CDH9: variants seen among roughly 807,000 people sequenced by gnomAD.
CDH9 encodes the protein cadherin-9.
CDH9 carries 28 observed loss-of-function variants against 70.9 expected under a neutral mutation model. That is an observed-to-expected ratio of 0.40 (90% CI 0.29 to 0.54). The LOEUF (loss-of-function observed/expected upper bound fraction) is 0.54. CDH9 is among the 20% of genes least tolerant of loss of function. The probability of loss-of-function intolerance (pLI) is 0.59; values close to 1 mark genes in which losing one functional copy is unlikely to be tolerated. For missense variants in CDH9, 874 were observed against 984.4 expected (o/e 0.89, Z 1.50); for synonymous variants, 409 against 343.1 (o/e 1.19, Z -2.12).
chr5:26,888,103 G>A (rs1291056962), intron 9 of CDH9, among the ~76,000 whole-genome samples: 4 of 151,866 alleles, frequency 2.6e-5, no homozygotes, highest in South Asian at 4.2e-4. Context: ...AAAAAAAAAT[G>A]TTTGGCCTTA....
At chr5:27,020,441 C>T (rs1315015472) in intron 1 of CDH9, among the ~76,000 whole-genome samples, 1 of 151,386 alleles carries the variant, frequency 6.6e-6, no homozygotes, top group Non-Finnish European at 1.5e-5. Context: ...TACTTAATTA[C>T]TGCAGAATAA....
At chr5:26,968,115 C>A (rs963276309) in intron 2 of CDH9, among the ~76,000 whole-genome samples, 1 of 152,000 alleles carries the variant, frequency 6.6e-6, no homozygotes, top group Non-Finnish European at 1.5e-5. Context: ...GCAGAGATAA[C>A]ACAAAAATTA....
At position 27,000,977 on chromosome 5, in the gene CDH9, G is replaced by C. The variant is rs576490752; in HGVS notation, c.-49-12595C>G. Among the ~76,000 whole-genome samples, 8 of 152,162 alleles carry C rather than the reference G, an allele frequency of 5.3e-5. No homozygotes were observed. In the East Asian group the frequency reaches 1.4e-3, roughly 26 times the overall value. ...TTGAAAAGACAAGAAGGATGAACAG[G>C]TGAAGCAAAGGAGACATTTTGGGCA... On this transcript the variant is annotated intron_variant, in intron 1 of 11. Transcript: ENST00000231021.
chr5:26,973,618 A>C (rs761924706), intron 2 of CDH9, among the ~76,000 whole-genome samples: 2 of 152,130 alleles, frequency 1.3e-5, no homozygotes, highest in Non-Finnish European at 2.9e-5. Context: ...AGTAATTCCA[A>C]CTAGAAGAAA....
chr5:27,032,787 C>A lies in CDH9; in HGVS notation c.-50+5676G>T, dbSNP rs376758462. Reference sequence around the variant, plus strand: ...CACATTGTTAATTTACCTAGAAATACAACAAACATTTAATAGCTTATTGAC... The same window carrying A: ...CACATTGTTAATTTACCTAGAAATAAAACAAACATTTAATAGCTTATTGAC... On this transcript the variant is annotated intron_variant, in intron 1 of 11. Transcript: ENST00000231021. Among the ~76,000 whole-genome samples, 46 of 150,796 alleles carry A rather than the reference C, an allele frequency of 3.1e-4. 1 individual carries two copies. The East Asian group carries it at 8.4e-3, about 28-fold the overall frequency.
intron 2 of CDH9, among the ~76,000 whole-genome samples, chr5:26,951,876 A>G (rs1741850975): frequency 6.6e-6 from 1 of 152,170 alleles, no homozygotes. Context: ...AAATGTGCCC[A>G]TAACACTTTC....
chr5:26,883,142 G>T (rs1358882627), intron 11 of CDH9, among the ~76,000 whole-genome samples: 1 of 136,178 alleles, frequency 7.3e-6, no homozygotes, highest in Non-Finnish European at 1.6e-5. Flanking sequence ...TTAAAAGATG[G>T]ACATAAGATT....
chr5:27,007,229 A>T lies in CDH9; in HGVS notation c.-49-18847T>A, dbSNP rs550851527. 5.3e-5 allele frequency among the ~76,000 whole-genome samples: 8 copies of T among 152,262 alleles called. 1 individual carries two copies. The South Asian group carries it at 1.7e-3, about 32-fold the overall frequency. Reference sequence around the variant, plus strand: ...ACAGTGTTAAAAATTGTCTATATTTAAAACTGTATTTGATTTGACAGAGCT... The same window carrying T: ...ACAGTGTTAAAAATTGTCTATATTTTAAACTGTATTTGATTTGACAGAGCT... On this transcript the variant is annotated intron_variant, in intron 1 of 11. Transcript: ENST00000231021.
chr5:26,890,841 C>G (rs1199058608), intron 7 of CDH9: 1 of 318,668 alleles, frequency 3.1e-6, no homozygotes, highest in Non-Finnish European at 5.8e-6. Flanking sequence ...TTAAGTATCA[C>G]TTGGTTCACT....
At chr5:26,907,703 G>T (rs1439079448) in intron 3 of CDH9, among the ~76,000 whole-genome samples, 1 of 152,026 alleles carries the variant, frequency 6.6e-6, no homozygotes, top group East Asian at 1.9e-4. Context: ...TTTCTATAAA[G>T]ATTCAAAGCA....
At position 26,889,900 on chromosome 5, in the gene CDH9, T is replaced by C. The variant is rs1422749652; in HGVS notation, c.1448A>G (p.Asp483Gly). The change falls in exon 9 of 12, where the codon GAC becomes GGC. Residue 483 changes from aspartate (D) to glycine (G), a missense_variant. Coordinates refer to ENST00000231021, the MANE Select transcript of CDH9 (RefSeq NM_016279.4). ...ATACATGGCAAATTCCGGAGCATGG[T>C]CATTTATATCTAGAATTCTGATGAA... ...PVFIRILDIN[D>G]HAPEFAMYYE... is the part of the protein sequence containing the mutation. 6.2e-7 allele frequency: 1 copy of C among 1,605,044 alleles called. No individual in the cohort carries two copies. Among genetic ancestry groups the C allele is most frequent in the Non-Finnish European group, 8.5e-7 (1 of 1,172,752 alleles).
intron 2 of CDH9, among the ~76,000 whole-genome samples, chr5:26,926,382 A>G (rs1741339676): frequency 6.6e-6 from 1 of 152,150 alleles, no homozygotes; most frequent in South Asian, 2.1e-4. Context: ...TCCAACCTAC[A>G]AGGGATTTGA....
In CDH9 at chr5:26,886,030, T is replaced by G. The variant is rs1216936998; in HGVS notation, c.1566A>C (p.Lys522Asn). The G allele has an allele frequency of 6.2e-7, 1 of 1,612,698 alleles. No homozygotes were observed. Among genetic ancestry groups the G allele is most frequent in the Non-Finnish European group, 8.5e-7 (1 of 1,179,652 alleles). ...ATTCTGGCACTGGTTCAAAAAAGAA[T>G]TTGTGACCTCGGGGAGGGTCATCCT... Reference protein sequence around the residue: ...MDKDDPPRGHKFFFEPVPEFT... With the variant: ...MDKDDPPRGHNFFFEPVPEFT... Residue 522 changes from lysine (K) to asparagine (N), a missense_variant, in exon 10 of 12, where the codon AAA becomes AAC. Physicochemically the swap from Lys to Asn is moderately conservative, Grantham distance 94. Coordinates refer to ENST00000231021, the MANE Select transcript of CDH9 (RefSeq NM_016279.4).
chr5:27,030,736 T>C (rs1743297237), intron 1 of CDH9, among the ~76,000 whole-genome samples: 1 of 151,504 alleles, frequency 6.6e-6, no homozygotes, highest in Non-Finnish European at 1.5e-5. Flanking sequence ...AATTAAAGCA[T>C]AACAAAAAAA....
intron 11 of CDH9, among the ~76,000 whole-genome samples, chr5:26,884,117 T>C (rs1040243975): frequency 6.6e-6 from 1 of 152,018 alleles, no homozygotes; most frequent in African/African-American, 2.4e-5. Context: ...GCTGGGAAAG[T>C]GAAAAATAAG....
intron 9 of CDH9, 50 bp from the exon 10 acceptor site, chr5:26,886,133 T>TGG (rs1561182501): frequency 1.3e-6 from 2 of 1,534,106 alleles, no homozygotes; most frequent in Non-Finnish European, 1.8e-6. Flanking sequence ...GCAATGTTCT[T>TGG]GTTATTACAA....
chr5:26,997,988 A>G (rs912924253), intron 1 of CDH9, among the ~76,000 whole-genome samples: 2 of 152,186 alleles, frequency 1.3e-5, no homozygotes, highest in Non-Finnish European at 2.9e-5. Flanking sequence ...GTGAGCCACC[A>G]TGCCTGATTG....
intron 2 of CDH9, among the ~76,000 whole-genome samples, chr5:26,930,011 C>T (rs1317551611): frequency 1.3e-5 from 2 of 151,502 alleles, no homozygotes; most frequent in African/African-American, 2.4e-5. Flanking sequence ...GTTTATAACA[C>T]AGAGAAAGCA....
At chr5:26,901,495 A>G (rs997945284) in intron 7 of CDH9, among the ~76,000 whole-genome samples, 19 of 152,030 alleles carry the variant, frequency 1.2e-4, no homozygotes, top group African/African-American at 4.6e-4. Context: ...CTAAAATGAA[A>G]ATTAAATGGT....
Sources: allele counts gnomAD v4.1 joint callset (sites outside exome capture counted in the v4.1 genomes callset), GRCh38; gene constraint gnomAD v4.1.1; transcripts MANE v1.5; gene names NCBI Gene and HGNC (gene_info 2026-07-23, HGNC 2026-07-21).